Variants in MLXIP observed in about 807,000 individuals in gnomAD.
The protein encoded by MLXIP is MLX interacting protein.
MLXIP carries 30 observed loss-of-function variants against 87.2 expected under a neutral mutation model. That is an observed-to-expected ratio of 0.34 (90% CI 0.26 to 0.47). MLXIP has a LOEUF of 0.47. MLXIP is among the 20% of genes least tolerant of loss of function. MLXIP has a pLI of 1.00. For missense variants in MLXIP, 1,002 were observed against 1,240.1 expected, an observed-to-expected ratio of 0.81 and a Z score of 2.88; for synonymous variants, 530 against 514.0, an observed-to-expected ratio of 1.03 and a Z score of -0.42.
At chr12:122,094,142 T>TGG (rs2046404394) in intron 1 of MLXIP, among the ~76,000 whole-genome samples, 1 of 137,292 alleles carries the variant, frequency 7.3e-6, no homozygotes, top group African/African-American at 2.8e-5. Context: ...GTGTGGGGTG[T>TGG]GTGGGATGTG....
In MLXIP at chr12:122,079,233, C is replaced by T; in HGVS notation, c.380C>T (p.Thr127Ile). 1 of 1,551,190 alleles carries T rather than the reference C, an allele frequency of 6.4e-7. No homozygotes were observed. Among genetic ancestry groups the T allele is most frequent in the Non-Finnish European group, 8.7e-7 (1 of 1,146,790 alleles). The change falls in exon 1 of 17, where the codon ACC (threonine) becomes ATC (isoleucine). Residue 127 changes from threonine (T) to isoleucine (I), a missense_variant. This residue lies in a region of MLXIP where 127 missense variants were observed against 239.0 expected (regional missense o/e 0.53). Coordinates refer to ENST00000319080, the MANE Select transcript of MLXIP (RefSeq NM_014938.6). ...CACCTGTCCATCGACGCCTCGCTCA[C>T]CAAGCTCTTCGAGTGCATGACTTTG... ...SCHLSIDASLTKLFECMTLAY... is the reference protein window; with the variant it reads ...SCHLSIDASLIKLFECMTLAY...
rs748758443 is a variant in MLXIP, at chr12:122,135,261, G to A, written c.1770G>A (p.Thr590=). Residue 590 remains threonine, a synonymous_variant, in exon 10 of 17, where the codon ACG becomes ACA. Coordinates refer to ENST00000319080, the MANE Select transcript of MLXIP (RefSeq NM_014938.6). This position sits in a 1 kb window ranked among gnomAD's most constrained non-coding sequence, Gnocchi z 5.3. ...FSGQPQAVIM[T]SGPLKREGML... The stretch of plus-strand genomic sequence containing the variant: ...GCCAACCACAAGCGGTGATCATGAC[G>A]TCAGGGCCTCTGAAGAGAGAAGGGA... 3.5e-5 allele frequency: 56 copies of A among 1,613,464 alleles called. No homozygotes were observed. Among genetic ancestry groups the A allele is most frequent in the Non-Finnish European group, 3.9e-5 (46 of 1,179,882 alleles).
Position 122,129,983 on chromosome 12 carries a change from A to G in MLXIP, c.781A>G (p.Lys261Glu), listed in dbSNP as rs749291863. Residue 261 changes from lysine to glutamate, a missense_variant, in exon 6 of 17, where the codon AAG (lysine) becomes GAG (glutamate). Coordinates refer to ENST00000319080, the MANE Select transcript of MLXIP (RefSeq NM_014938.6). ...LYWHKHGDGW[K>E]TPVPMEEDPL... ...TTGGCACAAGCACGGGGATGGATGG[A>G]AGACCCCCGTCCCCATGGAGGAGGA... 2 of 1,613,954 alleles carry G rather than the reference A, an allele frequency of 1.2e-6. No individual in the cohort carries two copies. Among genetic ancestry groups the G allele is most frequent in the South Asian group, 2.2e-5 (2 of 91,074 alleles).
At chr12:122,128,900 G>C in intron 3 of MLXIP, 1 of 535,686 alleles carries the variant, frequency 1.9e-6, no homozygotes, top group Non-Finnish European at 3.4e-6. Context: ...CCTCAGGACC[G>C]TGCCCCCAAG....
chr12:122,121,009 G>GTTTTTTTTTTTTTTTTTTTTTTTTTTTT lies in MLXIP; in HGVS notation c.414-6247_414-6246insTTTTTTTTTTTTTTTTTTTTTTTTTTTT, dbSNP rs776332981. 1.3e-4 allele frequency among the ~76,000 whole-genome samples: 13 copies of GTTTTTTTTTTTTTTTTTTTTTTTTTTTT among 102,194 alleles called. 2 individuals are homozygous for GTTTTTTTTTTTTTTTTTTTTTTTTTTTT. The highest frequency in any genetic ancestry group is 3.2e-4 in the East Asian group (1 of 3,136). The allele number at this position is 102,194 out of a possible 152,430, so 67.0% of individuals were successfully genotyped here. On this transcript the variant is annotated intron_variant, in intron 1 of 16. Coordinates refer to ENST00000319080, the MANE Select transcript of MLXIP (RefSeq NM_014938.6). ...TAGCCCCAGAGCCCTCTGCATGCTT[G>GTTTTTTTTTTTTTTTTTTTTTTTTTTTT]GTTTTTTTTTTTTTTTTTTGAAACG...
chr12:122,090,071 C>T (rs1952223259), intron 1 of MLXIP, among the ~76,000 whole-genome samples: 1 of 152,180 alleles, frequency 6.6e-6, no homozygotes, highest in African/African-American at 2.4e-5. Flanking sequence ...CAACCTTACT[C>T]TTCTTCCATG....
Position 122,133,896 on chromosome 12 carries a change from T to G in MLXIP, c.1641T>G (p.Thr547=). ...TGCACCCCAAACCTGTATCCTTGACTGGGGGCAGGCCTAAGCAGCCCCACA... is the reference window on the plus strand; with the variant it reads ...TGCACCCCAAACCTGTATCCTTGACGGGGGGCAGGCCTAAGCAGCCCCACA... ...TFVHPKPVSL[T]GGRPKQPHKI... Residue 547 remains threonine, a synonymous_variant, in exon 9 of 17, where the codon ACT becomes ACG. Coordinates refer to ENST00000319080, the MANE Select transcript of MLXIP (RefSeq NM_014938.6). The surrounding 1 kb of genome is among the most constrained non-coding windows in gnomAD (Gnocchi z 4.9). 1 of 1,610,642 alleles carries G rather than the reference T, an allele frequency of 6.2e-7. No individual in the cohort carries two copies. The highest frequency in any genetic ancestry group is 8.5e-7 in the Non-Finnish European group (1 of 1,178,692).
intron 1 of MLXIP, among the ~76,000 whole-genome samples, chr12:122,099,012 A>G (rs543774395): frequency 2.6e-5 from 4 of 152,338 alleles, no homozygotes; most frequent in South Asian, 4.1e-4. Context: ...TCAAGGCGGG[A>G]GGATCACTTG....
At chr12:122,115,864 C>T (rs1262689229) in intron 1 of MLXIP, among the ~76,000 whole-genome samples, 1 of 152,044 alleles carries the variant, frequency 6.6e-6, no homozygotes, top group Non-Finnish European at 1.5e-5. Flanking sequence ...ACCAGCCTGG[C>T]CAACATGGCA....
At chr12:122,079,318 A>C in intron 1 of MLXIP, 52 bp downstream of exon 1, 2 of 1,504,184 alleles carry the variant, frequency 1.3e-6, no homozygotes, top group Non-Finnish European at 1.8e-6. Context: ...CTTGTTTGAC[A>C]AAACAAGCGT....
rs368942706 is a variant in MLXIP, at chr12:122,140,727, G to A, written c.2509-227G>A. ...CTGTGTCCCTGTCCCCTGCCTGCTC[G>A]GTGCTTGAGCGGCCCTGTTGTCCAG... On this transcript the variant is annotated intron_variant, in intron 15 of 16. Coordinates refer to ENST00000319080, the MANE Select transcript of MLXIP (RefSeq NM_014938.6). 45 of 647,616 alleles carry A rather than the reference G, an allele frequency of 6.9e-5. No individual in the cohort carries two copies. The East Asian group carries it at 8.3e-4, about 12-fold the overall frequency. 40.1% of individuals were successfully genotyped at this position (647,616 alleles called of 1,614,324 possible).
chr12:122,096,601 G>A (rs149052933), intron 1 of MLXIP, among the ~76,000 whole-genome samples: 2,283 of 152,314 alleles, frequency 0.015, 43 homozygotes, highest in African/African-American at 0.052. Context: ...GGAGCTGAAC[G>A]GTGGCCTGTT....
At chr12:122,104,489 A>G (rs566522139) in intron 1 of MLXIP, among the ~76,000 whole-genome samples, 1 of 152,004 alleles carries the variant, frequency 6.6e-6, no homozygotes, top group South Asian at 2.1e-4. Context: ...TAGATATAGC[A>G]GTGCGTTTTC....
At chr12:122,138,658 GC>G in intron 14 of MLXIP, 107 bp downstream of exon 14, 1 of 1,501,912 alleles carries the variant, frequency 6.7e-7, no homozygotes, top group Non-Finnish European at 8.9e-7. Flanking sequence ...GTGCCTCTTT[GC>G]TGCAGTAGTT....
intron 1 of MLXIP, among the ~76,000 whole-genome samples, chr12:122,099,416 C>T (rs908415394): frequency 6.6e-6 from 1 of 152,108 alleles, no homozygotes; most frequent in African/African-American, 2.4e-5. Context: ...CTTGGTAATG[C>T]CCTGGGGGCA....
At chr12:122,125,132 C>T (rs772127962) in intron 1 of MLXIP, among the ~76,000 whole-genome samples, 2 of 152,224 alleles carry the variant, frequency 1.3e-5, no homozygotes, top group African/African-American at 2.4e-5. Context: ...CGCCATTGCA[C>T]TCCAGCCTGG....
chr12:122,110,505 T>C (rs554875579), intron 1 of MLXIP, among the ~76,000 whole-genome samples: 2 of 152,046 alleles, frequency 1.3e-5, no homozygotes, highest in East Asian at 3.9e-4. Context: ...CAGGCTGGTC[T>C]CAAACTCCCA....
intron 1 of MLXIP, among the ~76,000 whole-genome samples, chr12:122,085,962 A>G (rs1952162881): frequency 6.6e-6 from 1 of 152,126 alleles, no homozygotes; most frequent in Non-Finnish European, 1.5e-5. Flanking sequence ...GATTATCTGG[A>G]TTATCTGAGT....
intron 1 of MLXIP, among the ~76,000 whole-genome samples, chr12:122,085,967 C>T (rs1294179521): frequency 2.0e-5 from 3 of 152,162 alleles, no homozygotes; most frequent in Non-Finnish European, 4.4e-5. Flanking sequence ...TCTGGATTAT[C>T]TGAGTGAGCC....
Sources: allele counts gnomAD v4.1 joint callset (sites outside exome capture counted in the v4.1 genomes callset), GRCh38; gene constraint gnomAD v4.1.1; regional missense constraint gnomAD v4.1.1; non-coding constraint Gnocchi (gnomAD v3.1); transcripts MANE v1.5; gene names NCBI Gene and HGNC (gene_info 2026-07-23, HGNC 2026-07-21).